Variants in ACOT7 observed in about 807,000 individuals in gnomAD.
ACOT7 encodes the protein cytosolic acyl coenzyme A thioester hydrolase.
Under a neutral mutation model 40.2 loss-of-function variants are expected in ACOT7, and 12 were observed. The observed-to-expected ratio is 0.30, with a 90% confidence interval of 0.19 to 0.48. The LOEUF is 0.48. ACOT7 is among the 20% of genes least tolerant of loss of function. The probability of loss-of-function intolerance (pLI) is 0.99; values close to 1 mark genes in which losing one functional copy is unlikely to be tolerated. For missense variants in ACOT7, 395 were observed against 530.8 expected (o/e 0.74, Z 2.51); for synonymous variants, 228 against 219.5 (o/e 1.04, Z -0.34).
chr1:6,290,550 T>C (rs1443421286), intron 7 of ACOT7, among the ~76,000 whole-genome samples: 2 of 152,234 alleles, frequency 1.3e-5, no homozygotes, highest in African/African-American at 4.8e-5. Context: ...TCCATAAACG[T>C]ATGATTTTAA....
chr1:6,382,091 T>C (rs959057925), intron 1 of ACOT7, among the ~76,000 whole-genome samples: 5 of 139,192 alleles, frequency 3.6e-5, no homozygotes, highest in African/African-American at 1.1e-4. Flanking sequence ...TGAGCCAAGA[T>C]TGCGCCACTG....
intron 8 of ACOT7, among the ~76,000 whole-genome samples, chr1:6,279,475 G>A (rs763485547): frequency 2.0e-5 from 3 of 152,224 alleles, no homozygotes; most frequent in Non-Finnish European, 2.9e-5. Context: ...AGCAGTCCTC[G>A]CACCAGAAGG....
At position 6,338,280 on chromosome 1, in the gene ACOT7, C is replaced by T. The variant is rs556346506; in HGVS notation, c.418+1153G>A. 6.6e-6 allele frequency among the ~76,000 whole-genome samples: 1 copy of T among 152,320 alleles called. No individual in the cohort carries two copies. Among genetic ancestry groups the T allele is most frequent in the East Asian group, 1.9e-4 (1 of 5,174 alleles). ...CCCCAGCACAGTCGGAGAAGAGCTG[C>T]GATCTCACAGGAGATGGCAGGGAAC... On this transcript the variant is annotated intron_variant, in intron 3 of 8. Transcript: ENST00000361521. The surrounding 1 kb of genome is among the most constrained non-coding windows in gnomAD (Gnocchi z 4.4).
At position 6,289,184 on chromosome 1, in the gene ACOT7, C is replaced by T. The variant is rs1571273974; in HGVS notation, c.829+5680G>A. ...ACACGATCTCGGCTCACTGCAACAT[C>T]TGCCTCTCAGGTTCAAGCGATTCTC... On this transcript the variant is annotated intron_variant, in intron 7 of 8. Coordinates refer to ENST00000361521, the MANE Select transcript of ACOT7 (RefSeq NM_007274.4). The surrounding 1 kb of genome is among the most constrained non-coding windows in gnomAD (Gnocchi z 4.6). Among the ~76,000 whole-genome samples, 1 of 152,218 alleles carries T rather than the reference C, an allele frequency of 6.6e-6. No individual in the cohort carries two copies. Among genetic ancestry groups the T allele is most frequent in the Non-Finnish European group, 1.5e-5 (1 of 68,040 alleles).
At position 6,295,015 on chromosome 1, in the gene ACOT7, G is replaced by A. The variant is rs376223601; in HGVS notation, c.713-35C>T. On this transcript the variant is annotated intron_variant, in intron 6 of 8. Coordinates refer to ENST00000361521, the MANE Select transcript of ACOT7 (RefSeq NM_007274.4). ...AAGGGACATGCGGCAGATGAGACACGGAGGCAGAGGAGATTATTTCACACC... is the reference window on the plus strand; with the variant it reads ...AAGGGACATGCGGCAGATGAGACACAGAGGCAGAGGAGATTATTTCACACC... 75 of 1,485,082 alleles carry A rather than the reference G, an allele frequency of 5.1e-5. 1 individual carries two copies. In the South Asian group the frequency reaches 6.8e-4, roughly 13 times the overall value. 92.0% of individuals were successfully genotyped at this position (1,485,082 alleles called of 1,614,324 possible).
rs564130987 is a variant in ACOT7 at position 6,282,205 on chromosome 1, C to T, written c.830-919G>A. Among the ~76,000 whole-genome samples, 27 of 152,278 alleles carry T rather than the reference C, an allele frequency of 1.8e-4. No individual in the cohort carries two copies. The highest frequency in any genetic ancestry group is 6.5e-4 in the African/African-American group (27 of 41,558). On this transcript the variant is annotated intron_variant, in intron 7 of 8. Coordinates refer to ENST00000361521, the MANE Select transcript of ACOT7 (RefSeq NM_007274.4). This position sits in a 1 kb window ranked among gnomAD's most constrained non-coding sequence, Gnocchi z 4.5. ...CCTGGGCTCCATCCTCCTACCTGGC[C>T]TCAACATAATCCCTTAATCTCAGGG...
chr1:6,304,393 CTT>C (rs765262733), intron 6 of ACOT7, among the ~76,000 whole-genome samples: 6 of 111,050 alleles, frequency 5.4e-5, no homozygotes, highest in East Asian at 2.6e-4. Flanking sequence ...AAAGTACGTT[CTT>C]TTTTTTTTTT....
Position 6,352,313 on chromosome 1 carries a change from T to G in ACOT7, c.144-2447A>C, listed in dbSNP as rs1557663883. On this transcript the variant is annotated intron_variant, in intron 1 of 8. Coordinates refer to ENST00000361521, the MANE Select transcript of ACOT7 (RefSeq NM_007274.4). The surrounding 1 kb of genome is among the most constrained non-coding windows in gnomAD (Gnocchi z 4.5). ...CCTCAGCTGGGATTCCTTCCCATCC[T>G]GCATACCACCACCAGCTGCTCCACA... is the stretch of plus-strand genomic sequence containing the variant. 2 of 152,646 alleles carry G rather than the reference T, an allele frequency of 1.3e-5. No homozygotes were observed. The highest frequency in any genetic ancestry group is 4.1e-4 in the South Asian group (2 of 4,838). The allele number at this position is 152,646 out of a possible 1,614,324, so 9.5% of individuals were successfully genotyped here. A position where few individuals can be genotyped will look rare whatever the true frequency, so the allele number is the denominator to read the frequency against.
At chr1:6,316,434 G>A (rs1022843708) in intron 6 of ACOT7, among the ~76,000 whole-genome samples, 4 of 152,214 alleles carry the variant, frequency 2.6e-5, no homozygotes, top group Admixed American at 6.5e-5. Context: ...TCAGATTTAC[G>A]AGCAGTGCAG....
chr1:6,366,684 C>G (rs1271005403), intron 1 of ACOT7, among the ~76,000 whole-genome samples: 1 of 149,130 alleles, frequency 6.7e-6, no homozygotes, highest in African/African-American at 2.5e-5. Flanking sequence ...GAGACAGAGT[C>G]TCACTCTGTC....
chr1:6,313,790 C>T (rs1640408665), intron 6 of ACOT7, among the ~76,000 whole-genome samples: 1 of 151,726 alleles, frequency 6.6e-6, no homozygotes, highest in African/African-American at 2.4e-5. Flanking sequence ...CTGTGGATCG[C>T]TCACAGCTGC....
rs944409105 is a variant in ACOT7, at chr1:6,299,185, AGGAGGTGACG to A, written c.713-4215_713-4206del. Reference sequence around the variant, plus strand: ...CGTGGGCTCAGTGTCTGTCAGGCAGAGGAGGTGACGGCGCCCACAGGCAAGGTGACTGAGG... The same window carrying A: ...CGTGGGCTCAGTGTCTGTCAGGCAGAGCGCCCACAGGCAAGGTGACTGAGG... On this transcript the variant is annotated intron_variant, in intron 6 of 8. Coordinates refer to ENST00000361521, the MANE Select transcript of ACOT7 (RefSeq NM_007274.4). This position sits in a 1 kb window ranked among gnomAD's most constrained non-coding sequence, Gnocchi z 4.1. Among the ~76,000 whole-genome samples, 1 of 152,184 alleles carries A rather than the reference AGGAGGTGACG, an allele frequency of 6.6e-6. No homozygotes were observed. The highest frequency in any genetic ancestry group is 2.4e-5 in the African/African-American group (1 of 41,454).
At chr1:6,272,290 G>A (rs1639059603) in intron 8 of ACOT7, among the ~76,000 whole-genome samples, 1 of 152,224 alleles carries the variant, frequency 6.6e-6, no homozygotes, top group East Asian at 1.9e-4. Flanking sequence ...GATCAAAAAG[G>A]CTTAATTCTA....
At position 6,331,962 on chromosome 1, in the gene ACOT7, G is replaced by A. The variant is rs555698364; in HGVS notation, c.510+1515C>T. 3.3e-5 allele frequency among the ~76,000 whole-genome samples: 5 copies of A among 152,292 alleles called. No homozygotes were observed. In the East Asian group the frequency reaches 7.7e-4, roughly 24 times the overall value. ...ATGGGCAGTGGCAGCAGGGACCGAGGCCCCATCAGCCCTGGTGACCGGGGG... is the reference window on the plus strand; with the variant it reads ...ATGGGCAGTGGCAGCAGGGACCGAGACCCCATCAGCCCTGGTGACCGGGGG... On this transcript the variant is annotated intron_variant, in intron 4 of 8. Transcript: ENST00000361521.
chr1:6,375,546 T>A (rs774305896), intron 1 of ACOT7, among the ~76,000 whole-genome samples: 24 of 151,610 alleles, frequency 1.6e-4, no homozygotes, highest in Non-Finnish European at 3.1e-4. Flanking sequence ...TGCTTGGAGA[T>A]TAATTCCAGC....
chr1:6,329,641 C>T (rs76438557), intron 4 of ACOT7, among the ~76,000 whole-genome samples: 4,087 of 152,116 alleles, frequency 0.027, 192 homozygotes, highest in African/African-American at 0.093. Flanking sequence ...CCCAATGCTG[C>T]CTTTCCATCT....
chr1:6,306,225 G>A lies in ACOT7; in HGVS notation c.713-11245C>T, dbSNP rs1640153696. On this transcript the variant is annotated intron_variant, in intron 6 of 8. Transcript: ENST00000361521. This position sits in a 1 kb window ranked among gnomAD's most constrained non-coding sequence, Gnocchi z 4.3. ...CGTGGGGAGAGGGGGAGGGGGAGGG[G>A]GAGAGGGAGAGGACGTTCTTACGGT... The A allele has an allele frequency of 1.0e-6, 1 of 977,186 alleles. No homozygotes were observed. Among genetic ancestry groups the A allele is most frequent in the South Asian group, 4.7e-5 (1 of 21,080 alleles). 60.5% of individuals were successfully genotyped at this position (977,186 alleles called of 1,614,324 possible). A position where few individuals can be genotyped will look rare whatever the true frequency, so the allele number is the denominator to read the frequency against.
At chr1:6,390,502 G>A (rs995881260) in intron 1 of ACOT7, among the ~76,000 whole-genome samples, 2 of 152,112 alleles carry the variant, frequency 1.3e-5, no homozygotes, top group African/African-American at 4.8e-5. Flanking sequence ...AACAAAGGAG[G>A]CAGAGGTTGC....
At position 6,264,361 on chromosome 1, in the gene ACOT7, C is replaced by T. The variant is rs753584223; in HGVS notation, c.*236G>A. The stretch of plus-strand genomic sequence containing the variant: ...AGCATTCCCGAGGGTTTCTGCCCAA[C>T]GCCTCCCGGCGCTCGGGACAACACT... On this transcript the variant is annotated 3_prime_UTR_variant, in exon 9 of 9. Transcript: ENST00000361521. 6.3e-5 allele frequency: 32 copies of T among 510,596 alleles called. No homozygotes were observed. The highest frequency in any genetic ancestry group is 8.2e-5 in the Non-Finnish European group (24 of 292,724). The allele number at this position is 510,596 out of a possible 1,614,324, so 31.6% of individuals were successfully genotyped here.
Sources: gnomAD v4.1 joint callset for allele counts (sites outside exome capture counted in the v4.1 genomes callset) on GRCh38, gnomAD v4.1.1 for gene constraint, Gnocchi (gnomAD v3.1) non-coding constraint, MANE v1.5 for transcripts, NCBI Gene and HGNC (gene_info 2026-07-23, HGNC 2026-07-21) for gene names.